The following WDR64 variants were observed in gnomAD, a reference collection of about 807,000 sequenced individuals.
WDR64 encodes the protein WD repeat-containing protein 64.
A neutral mutation model predicts 139.3 loss-of-function variants in WDR64; 112 were observed. The observed-to-expected ratio is 0.80, with a 90% CI of 0.69 to 0.94. The LOEUF (loss-of-function observed/expected upper bound fraction) is 0.94. Ranked by LOEUF, WDR64 falls within the 40% of genes least tolerant of loss-of-function variation. The pLI is 0.00. For synonymous variants in WDR64, 444 were observed against 437.7 expected, an observed-to-expected ratio of 1.01 and a Z score of -0.18; for missense variants, 1,206 against 1,293.1, an observed-to-expected ratio of 0.93 and a Z score of 1.03.
At chr1:241,663,819 C>G (rs181811065) in intron 2 of WDR64, among the ~76,000 whole-genome samples, 24 of 152,366 alleles carry the variant, frequency 1.6e-4, no homozygotes, top group Admixed American at 1.5e-3. Flanking sequence ...CAGAATATGT[C>G]CATCATTGCA....
At chr1:241,679,792 A>G (rs1574001553) in intron 6 of WDR64, among the ~76,000 whole-genome samples, 197 bp downstream of exon 6, 1 of 152,166 alleles carries the variant, frequency 6.6e-6, no homozygotes, top group East Asian at 1.9e-4. Flanking sequence ...TTTAGTGTAT[A>G]TTTAGTTCAG....
chr1:241,719,207 T>C (rs1668513886), intron 9 of WDR64, among the ~76,000 whole-genome samples: 1 of 152,182 alleles, frequency 6.6e-6, no homozygotes, highest in Non-Finnish European at 1.5e-5. Context: ...TTCCCCTCTT[T>C]GGGGACTTGA....
At chr1:241,744,711 G>T (rs1669686971) in intron 13 of WDR64, among the ~76,000 whole-genome samples, 195 bp downstream of exon 13, 1 of 152,196 alleles carries the variant, frequency 6.6e-6, no homozygotes, top group African/African-American at 2.4e-5. Flanking sequence ...TTGATATGAT[G>T]TTAAAAATAA....
At chr1:241,660,706 T>C (rs1665798774) in intron 2 of WDR64, 46 bp downstream of exon 2, 1 of 1,540,930 alleles carries the variant, frequency 6.5e-7, no homozygotes, top group African/African-American at 1.4e-5. Context: ...GTATTATTTT[T>C]CTAAGTTTGG....
At chr1:241,677,619 A>C (rs41305556) in intron 4 of WDR64, among the ~76,000 whole-genome samples, 3,729 of 152,330 alleles carry the variant, frequency 0.024, 81 homozygotes, top group South Asian at 0.081. Flanking sequence ...AGCTCTCTGC[A>C]TGGGATAAAT....
intron 15 of WDR64, among the ~76,000 whole-genome samples, chr1:241,761,476 A>T (rs1031785010): frequency 2.0e-5 from 3 of 151,620 alleles, no homozygotes; most frequent in Non-Finnish European, 4.4e-5. Context: ...ATTTGTTCAT[A>T]TTTTTTGTCA....
At chr1:241,671,951 G>T (rs1185760392) in intron 3 of WDR64, among the ~76,000 whole-genome samples, 1 of 152,106 alleles carries the variant, frequency 6.6e-6, no homozygotes, top group Middle Eastern at 3.2e-3. Flanking sequence ...AGGGGGGATG[G>T]ATCACCTGAG....
Position 241,683,500 on chromosome 1 carries a change from T to C in WDR64, c.638T>C (p.Val213Ala), listed in dbSNP as rs995885209. ...TTCTGTTTCTAGGAAAATTATTTTG[T>C]CATAAAACCAATGGATCACTGCCTC... ...AQGSSQENYF[V>A]IKPMDHCLLC... The change falls in exon 7 of 28, where the codon GTC becomes GCC. Residue 213 changes from valine to alanine, a missense_variant. Val to Ala is a moderately conservative substitution (Grantham distance 64). Coordinates refer to ENST00000437684, the MANE Select transcript of WDR64 (RefSeq NM_001367482.1). 1.3e-6 allele frequency: 2 copies of C among 1,551,692 alleles called. No individual in the cohort carries two copies. Among genetic ancestry groups the C allele is most frequent in the Admixed American group, 3.9e-5 (2 of 50,980 alleles).
chr1:241,786,880 A>G (rs1054863146), intron 23 of WDR64, among the ~76,000 whole-genome samples: 1 of 152,200 alleles, frequency 6.6e-6, no homozygotes, highest in Admixed American at 6.5e-5. Context: ...GAACAAGATC[A>G]TGTCTCTTGC....
At chr1:241,658,045 C>T (rs1358030637) in intron 1 of WDR64, among the ~76,000 whole-genome samples, 1 of 152,180 alleles carries the variant, frequency 6.6e-6, no homozygotes, top group Admixed American at 6.5e-5. Context: ...TTTCTGATTT[C>T]CTGCTATAAT....
At chr1:241,767,538 A>G (rs1027565509) in intron 16 of WDR64, among the ~76,000 whole-genome samples, 13 of 152,198 alleles carry the variant, frequency 8.5e-5, no homozygotes, top group African/African-American at 3.1e-4. Flanking sequence ...AATAAATGAA[A>G]ATAAAATCAA....
chr1:241,685,449 T>C (rs1161777610), intron 7 of WDR64, among the ~76,000 whole-genome samples: 1 of 152,024 alleles, frequency 6.6e-6, no homozygotes, highest in African/African-American at 2.4e-5. Context: ...TATGTGTGTG[T>C]ATTTCTACTT....
Position 241,656,878 on chromosome 1 carries a change from G to GTGTGTGTA in WDR64, c.146-3645_146-3644insATGTGTGT, listed in dbSNP as rs1558456709. On this transcript the variant is annotated intron_variant, in intron 1 of 27. Coordinates refer to ENST00000437684, the MANE Select transcript of WDR64 (RefSeq NM_001367482.1). The surrounding 1 kb of genome is among the most constrained non-coding windows in gnomAD (Gnocchi z 4.3). ...CAAGTCTTTGCCAAATGTTGTGTGT[G>GTGTGTGTA]TGTGTGTGTGTGTGTGTGTGTGTGT... is the stretch of plus-strand genomic sequence containing the variant. 2.2e-5 allele frequency among the ~76,000 whole-genome samples: 3 copies of GTGTGTGTA among 136,372 alleles called. No homozygotes were observed. Among genetic ancestry groups the GTGTGTGTA allele is most frequent in the African/African-American group, 2.6e-5 (1 of 37,948 alleles). 89.5% of individuals were successfully genotyped at this position (136,372 alleles called of 152,430 possible).
At chr1:241,719,490 TGATG>T (rs1272488717) in intron 9 of WDR64, among the ~76,000 whole-genome samples, 2 of 152,096 alleles carry the variant, frequency 1.3e-5, no homozygotes, top group African/African-American at 2.4e-5. Flanking sequence ...TGCTGAGACT[TGATG>T]GATGGATTGG....
Position 241,737,123 on chromosome 1 carries a change from T to C in WDR64, c.1195-1240T>C, listed in dbSNP as rs543468745. Among the ~76,000 whole-genome samples the C allele has an allele frequency of 5.3e-5, 8 of 152,340 alleles. No individual in the cohort carries two copies. The South Asian group carries it at 1.7e-3, about 32-fold the overall frequency. The stretch of plus-strand genomic sequence containing the variant: ...ATATAATCCATTATACTTGTTTACT[T>C]TATGATACAAAAGGCTGAAAAGGCT... On this transcript the variant is annotated intron_variant, in intron 10 of 27. Coordinates refer to ENST00000437684, the MANE Select transcript of WDR64 (RefSeq NM_001367482.1).
intron 8 of WDR64, among the ~76,000 whole-genome samples, chr1:241,694,283 T>C (rs188532471): frequency 1.3e-5 from 2 of 152,344 alleles, no homozygotes; most frequent in East Asian, 3.9e-4. Context: ...TTGAAAATTG[T>C]AGACTTCATG....
At chr1:241,705,648 CATG>C (rs780634134) in intron 8 of WDR64, among the ~76,000 whole-genome samples, 9 of 151,742 alleles carry the variant, frequency 5.9e-5, no homozygotes, top group Non-Finnish European at 1.3e-4. Context: ...AGGGCAGGGG[CATG>C]ATTATAGCTC....
chr1:241,777,440 C>G (rs927285241), intron 21 of WDR64, among the ~76,000 whole-genome samples: 5 of 147,952 alleles, frequency 3.4e-5, no homozygotes, highest in African/African-American at 1.3e-4. Context: ...TTAATTAAAA[C>G]AGAGTCTCGC....
intron 10 of WDR64, among the ~76,000 whole-genome samples, chr1:241,729,178 T>C (rs1668977101): frequency 6.6e-6 from 1 of 152,206 alleles, no homozygotes; most frequent in South Asian, 2.1e-4. Flanking sequence ...ACTGGTCAGT[T>C]TGAAGTCTCT....
Sources: gnomAD v4.1 joint callset for allele counts (sites outside exome capture counted in the v4.1 genomes callset) on GRCh38, gnomAD v4.1.1 for gene constraint, Gnocchi (gnomAD v3.1) non-coding constraint, MANE v1.5 for transcripts, NCBI Gene and HGNC (gene_info 2026-07-23, HGNC 2026-07-21) for gene names.